BMP3: variants seen among roughly 807,000 people sequenced by gnomAD.
BMP3 encodes the protein bone morphogenetic protein 3, also known as bone morphogenetic protein 3 (osteogenic).
Under a neutral mutation model 38.1 loss-of-function variants are expected in BMP3, and 23 were observed. That is an observed-to-expected ratio of 0.60 (90% CI 0.43 to 0.86). The LOEUF (loss-of-function observed/expected upper bound fraction) is 0.86. Ranked by LOEUF, BMP3 falls within the 40% of genes least tolerant of loss-of-function variation. The probability of loss-of-function intolerance (pLI) is 0.00; values close to 1 mark genes in which losing one functional copy is unlikely to be tolerated. For missense variants in BMP3, 628 were observed against 579.6 expected (o/e 1.08, Z -0.86); for synonymous variants, 258 against 225.7 (o/e 1.14, Z -1.28).
chr4:81,049,057 CAAATAGT>C (rs1447089924), intron 2 of BMP3, among the ~76,000 whole-genome samples: 1 of 152,044 alleles, frequency 6.6e-6, no homozygotes, highest in East Asian at 1.9e-4. Flanking sequence ...TGAAATGGGT[CAAATAGT>C]AAATAGTAAA....
At position 81,053,525 on chromosome 4, in the gene BMP3, G is replaced by C; in HGVS notation, c.1408G>C (p.Ala470Pro). ...VYPNMTVESC[A>P]CR ...CCCTAACATGACAGTAGAGTCTTGCGCTTGCAGATAACCTGGCAAAGAACT... is the reference window on the plus strand; with the variant it reads ...CCCTAACATGACAGTAGAGTCTTGCCCTTGCAGATAACCTGGCAAAGAACT... The change falls in exon 3 of 3, where the codon GCT becomes CCT. Residue 470 changes from alanine (A) to proline (P), a missense_variant. By Grantham distance (27) the Ala-to-Pro change is conservative. Coordinates refer to ENST00000282701, the MANE Select transcript of BMP3 (RefSeq NM_001201.5). 6.6e-7 allele frequency: 1 copy of C among 1,507,936 alleles called. No homozygotes were observed. The highest frequency in any genetic ancestry group is 8.9e-7 in the Non-Finnish European group (1 of 1,128,754). 93.4% of individuals were successfully genotyped at this position (1,507,936 alleles called of 1,614,324 possible).
At chr4:81,040,679 G>C (rs1740048451) in intron 1 of BMP3, among the ~76,000 whole-genome samples, 1 of 151,948 alleles carries the variant, frequency 6.6e-6, no homozygotes, top group Non-Finnish European at 1.5e-5. Flanking sequence ...CAACATCTGG[G>C]TTACTTTCCA....
rs1375854953 is a variant in BMP3 at position 81,053,605 on chromosome 4, T to TG, written c.*69_*70insG. 3.6e-4 allele frequency: 251 copies of TG among 689,864 alleles called. No homozygotes were observed. The highest frequency in any genetic ancestry group is 5.1e-4 in the Non-Finnish European group (245 of 483,090). The allele number at this position is 689,864 out of a possible 1,614,324, so 42.7% of individuals were successfully genotyped here. On this transcript the variant is annotated 3_prime_UTR_variant, in exon 3 of 3. Transcript: ENST00000282701. ...TATTTTTATGGACTTCTTCCTGTTT[T>TG]TTTTTTTTTTTTTTTTGCACTGCCA... is the stretch of plus-strand genomic sequence containing the variant.
At chr4:81,043,714 AG>A (rs1228396218) in intron 1 of BMP3, among the ~76,000 whole-genome samples, 2 of 151,142 alleles carry the variant, frequency 1.3e-5, no homozygotes, top group Non-Finnish European at 2.9e-5. Flanking sequence ...CAGCCTCCCG[AG>A]TAGCTGGGAT....
chr4:81,040,781 C>A (rs1740051910), intron 1 of BMP3, among the ~76,000 whole-genome samples: 1 of 152,132 alleles, frequency 6.6e-6, no homozygotes, highest in Non-Finnish European at 1.5e-5. Context: ...ATCAGTGTAG[C>A]ATACAATTAA....
chr4:81,048,879 A>G (rs1740332810), intron 2 of BMP3, among the ~76,000 whole-genome samples: 1 of 152,220 alleles, frequency 6.6e-6, no homozygotes, highest in African/African-American at 2.4e-5. Context: ...AAGATTCTGC[A>G]TATCTAACAA....
In BMP3 at chr4:81,045,919, T is replaced by G. The variant is rs199706019; in HGVS notation, c.498T>G (p.Ser166=). 22 of 1,614,138 alleles carry G rather than the reference T, an allele frequency of 1.4e-5. No homozygotes were observed. The East Asian group carries it at 4.9e-4, about 36-fold the overall frequency. ...GGAAACACATTCAGATTGATCTTTC[T>G]GCATGGACCCTCAAATTCAGCAGAA... ...AQRKHIQIDL[S]AWTLKFSRNQ... The change falls in exon 2 of 3, where the codon TCT becomes TCG. Residue 166 remains serine (S), a synonymous_variant. Coordinates refer to ENST00000282701, the MANE Select transcript of BMP3 (RefSeq NM_001201.5).
At chr4:81,044,872 A>G (rs1177403757) in intron 1 of BMP3, among the ~76,000 whole-genome samples, 1 of 152,176 alleles carries the variant, frequency 6.6e-6, no homozygotes, top group Non-Finnish European at 1.5e-5. Context: ...CCATTCATCC[A>G]TTGGTAGTCA....
At position 81,054,866 on chromosome 4, in the gene BMP3, A is replaced by C. The variant is rs1740505827; in HGVS notation, c.*1330A>C. The C allele has an allele frequency of 1.3e-5, 2 of 152,130 alleles. No homozygotes were observed. Among genetic ancestry groups the C allele is most frequent in the African/African-American group, 4.8e-5 (2 of 41,444 alleles). The allele number at this position is 152,130 out of a possible 1,614,324, so 9.4% of individuals were successfully genotyped here. A position where few individuals can be genotyped will look rare whatever the true frequency, so the allele number is the denominator to read the frequency against. ...CAGGCCGTAGATCATTGTTGGTGTT[A>C]ATCTGTGGTTAATCCTCATTTTAGT... On this transcript the variant is annotated 3_prime_UTR_variant, in exon 3 of 3. Transcript: ENST00000282701.
At chr4:81,032,649 C>T (rs1739811490) in intron 1 of BMP3, among the ~76,000 whole-genome samples, 2 of 152,246 alleles carry the variant, frequency 1.3e-5, no homozygotes, top group Admixed American at 6.5e-5. Flanking sequence ...GGCCATGCCT[C>T]AGTCAATACT....
At chr4:81,047,472 G>A (rs1740282694) in intron 2 of BMP3, among the ~76,000 whole-genome samples, 1 of 151,530 alleles carries the variant, frequency 6.6e-6, no homozygotes, top group Non-Finnish European at 1.5e-5. Flanking sequence ...AAAATATAGT[G>A]GCACTCTTCA....
At chr4:81,047,089 A>G (rs1187950245) in intron 2 of BMP3, among the ~76,000 whole-genome samples, 3 of 152,174 alleles carry the variant, frequency 2.0e-5, no homozygotes, top group African/African-American at 7.2e-5. Context: ...CCTAATGCAG[A>G]ACATGTTTTA....
In BMP3 at chr4:81,056,377, C is replaced by T. The variant is rs2109916542; in HGVS notation, c.*2841C>T. 1 of 152,010 alleles carries T rather than the reference C, an allele frequency of 6.6e-6. No homozygotes were observed. The highest frequency in any genetic ancestry group is 2.4e-5 in the African/African-American group (1 of 41,384). 9.4% of individuals were successfully genotyped at this position (152,010 alleles called of 1,614,324 possible). A position where few individuals can be genotyped will look rare whatever the true frequency, so the allele number is the denominator to read the frequency against. On this transcript the variant is annotated 3_prime_UTR_variant, in exon 3 of 3. Coordinates refer to ENST00000282701, the MANE Select transcript of BMP3 (RefSeq NM_001201.5). ...TTTAAATGGAGTTTCACTCTTGTCG[C>T]CCAGGCTGGAGTGCAGTGGCGTGAT...
chr4:81,048,501 CTGTT>C (rs1395606994), intron 2 of BMP3, among the ~76,000 whole-genome samples: 1 of 152,168 alleles, frequency 6.6e-6, no homozygotes, highest in African/African-American at 2.4e-5. Flanking sequence ...CAGAGATACT[CTGTT>C]AGTTTGCTTT....
In BMP3 at chr4:81,052,378, T is replaced by C. The variant is rs758978898; in HGVS notation, c.1228-967T>C. Among the ~76,000 whole-genome samples the C allele has an allele frequency of 9.1e-4, 139 of 152,128 alleles. 7 individuals carry two copies. Among genetic ancestry groups the C allele is most frequent in the Non-Finnish European group, 7.6e-4 (52 of 68,012 alleles). ...TTACCACTCTGGCAATACCTAACAT[T>C]CTGGACTTGCAAAAATGACTGTTCC... On this transcript the variant is annotated intron_variant, in intron 2 of 2. Transcript: ENST00000282701.
chr4:81,045,780 C>T lies in BMP3; in HGVS notation c.359C>T (p.Ser120Leu), dbSNP rs566868500. The change falls in exon 2 of 3, where the codon TCG becomes TTG. Residue 120 changes from serine to leucine, a missense_variant. Ser to Leu is a moderately radical substitution (Grantham distance 145, BLOSUM62 -2). Transcript: ENST00000282701. ...RKGLYIFNLT[S>L]LTKSENILSA... ...GGACTGTATATCTTCAATCTGACAT[C>T]GCTAACCAAGTCTGAAAACATTTTG... 2.7e-5 allele frequency: 44 copies of T among 1,612,300 alleles called. No individual in the cohort carries two copies. Among genetic ancestry groups the T allele is most frequent in the Admixed American group, 1.0e-4 (6 of 59,770 alleles).
chr4:81,057,493 A>G lies in BMP3; in HGVS notation c.*3957A>G, dbSNP rs1740605342. ...CATTTTCTTTCAGTAATGAAAAGCT[A>G]TTCATTATACAGTATGGAAATAAAA... is the stretch of plus-strand genomic sequence containing the variant. On this transcript the variant is annotated 3_prime_UTR_variant, in exon 3 of 3. Coordinates refer to ENST00000282701, the MANE Select transcript of BMP3 (RefSeq NM_001201.5). 2 of 152,072 alleles carry G rather than the reference A, an allele frequency of 1.3e-5. No individual in the cohort carries two copies. Among genetic ancestry groups the G allele is most frequent in the African/African-American group, 4.8e-5 (2 of 41,446 alleles). 9.4% of individuals were successfully genotyped at this position (152,072 alleles called of 1,614,324 possible).
In BMP3 at chr4:81,045,878, T is replaced by C. The variant is rs149565928; in HGVS notation, c.457T>C (p.Ser153Pro). The change falls in exon 2 of 3, where the codon TCC (serine) becomes CCC (proline). Residue 153 changes from serine to proline, a missense_variant. Transcript: ENST00000282701. The stretch of plus-strand genomic sequence containing the variant: ...GAGTTGTCCAGTGTCTGGAGGATGC[T>C]CCCATCATGCTCAGAGGAAACACAT... ...SLSCPVSGGC[S>P]HHAQRKHIQI... 1.2e-5 allele frequency: 20 copies of C among 1,613,980 alleles called. No individual in the cohort carries two copies. In the African/African-American group the frequency reaches 2.0e-4, roughly 16 times the overall value.
rs536926589 is a variant in BMP3 at position 81,046,758 on chromosome 4, T to C, written c.1227+110T>C. 6.2e-6 allele frequency: 8 copies of C among 1,284,802 alleles called. No homozygotes were observed. The East Asian group carries it at 1.9e-4, about 30-fold the overall frequency. The allele number at this position is 1,284,802 out of a possible 1,614,324, so 79.6% of individuals were successfully genotyped here. A position where few individuals can be genotyped will look rare whatever the true frequency, so the allele number is the denominator to read the frequency against. On this transcript the variant is annotated intron_variant, in intron 2 of 2. Coordinates refer to ENST00000282701, the MANE Select transcript of BMP3 (RefSeq NM_001201.5). Reference sequence around the variant, plus strand: ...GTTTGTGTAAGTGTTTGTGTTTCCATTTGCAAAATCCATTGGGACCCTTAT... The same window carrying C: ...GTTTGTGTAAGTGTTTGTGTTTCCACTTGCAAAATCCATTGGGACCCTTAT...
Sources: gnomAD v4.1 joint callset for allele counts (sites outside exome capture counted in the v4.1 genomes callset) on GRCh38, gnomAD v4.1.1 for gene constraint, MANE v1.5 for transcripts, NCBI Gene and HGNC (gene_info 2026-07-23, HGNC 2026-07-21) for gene names.